Variants in MCTP1 observed in about 807,000 individuals in gnomAD.
The protein encoded by MCTP1 is multiple C2 and transmembrane domain-containing protein 1.
Under a neutral mutation model 120.6 loss-of-function variants are expected in MCTP1, and 69 were observed. The ratio of observed to expected loss-of-function variants is 0.57; its 90% CI spans 0.47 to 0.70. The LOEUF (loss-of-function observed/expected upper bound fraction) is 0.70. Among genes scored for constraint, MCTP1 ranks in the 30% least tolerant of loss-of-function variants. The pLI is 0.00. For missense variants in MCTP1, 1,203 were observed against 1,248.8 expected (o/e 0.96, Z 0.55); for synonymous variants, 529 against 493.1 (o/e 1.07, Z -0.96).
At chr5:94,963,828 T>G (rs1395081179) in intron 2 of MCTP1, among the ~76,000 whole-genome samples, 1 of 152,190 alleles carries the variant, frequency 6.6e-6, no homozygotes, top group Non-Finnish European at 1.5e-5. Flanking sequence ...TGTATTCCCA[T>G]GTACCTATCT....
intron 17 of MCTP1, among the ~76,000 whole-genome samples, chr5:94,827,114 T>C (rs923684951): frequency 1.3e-5 from 2 of 152,192 alleles, no homozygotes; most frequent in African/African-American, 4.8e-5. Flanking sequence ...TTCTGGTTTT[T>C]CCTTTCCATA....
chr5:95,163,398 T>C (rs1745965659), intron 1 of MCTP1, among the ~76,000 whole-genome samples: 1 of 152,226 alleles, frequency 6.6e-6, no homozygotes, highest in East Asian at 1.9e-4. Flanking sequence ...TGGCATTAGC[T>C]TGACATTAAA....
intron 2 of MCTP1, among the ~76,000 whole-genome samples, chr5:94,960,315 CCCTAGAAGAAAA>C (rs1471203289): frequency 1.3e-5 from 2 of 152,128 alleles, no homozygotes; most frequent in African/African-American, 4.8e-5. Context: ...ATTATAAAAA[CCCTAGAAGAAAA>C]CCTAGGCAAT....
intron 2 of MCTP1, among the ~76,000 whole-genome samples, chr5:94,955,830 T>C (rs1822458762): frequency 6.6e-6 from 1 of 152,136 alleles, no homozygotes; most frequent in Non-Finnish European, 1.5e-5. Flanking sequence ...GGGGTAGCTG[T>C]GGGTACAGCA....
At chr5:94,764,547 A>T (rs1270816817) in intron 19 of MCTP1, among the ~76,000 whole-genome samples, 1 of 152,188 alleles carries the variant, frequency 6.6e-6, no homozygotes, top group Admixed American at 6.5e-5. Context: ...AAGATATTCC[A>T]CACAAATAGA....
At chr5:95,033,981 C>G (rs1410610769) in intron 1 of MCTP1, among the ~76,000 whole-genome samples, 1 of 151,466 alleles carries the variant, frequency 6.6e-6, no homozygotes, top group Non-Finnish European at 1.5e-5. Context: ...TAGCCACACA[C>G]AAAAAATCAA....
rs570574768 is a variant in MCTP1 at position 94,909,061 on chromosome 5, A to G, written c.1652+190T>C. Among the ~76,000 whole-genome samples, 9 of 152,216 alleles carry G rather than the reference A, an allele frequency of 5.9e-5. No individual in the cohort carries two copies. In the South Asian group the frequency reaches 1.7e-3, roughly 28 times the overall value. ...CAAATTCAGATAGCCTGTGTCCATC[A>G]ACTGGTCAAAACCGCCACCTACTGG... On this transcript the variant is annotated intron_variant, in intron 10 of 22. Transcript: ENST00000515393.
At chr5:95,077,747 C>T (rs977781382) in intron 1 of MCTP1, among the ~76,000 whole-genome samples, 2 of 152,192 alleles carry the variant, frequency 1.3e-5, no homozygotes, top group Admixed American at 6.5e-5. Flanking sequence ...GCTGGGATTA[C>T]AGGCGTGAGC....
chr5:95,049,373 T>A (rs928078433), intron 1 of MCTP1, among the ~76,000 whole-genome samples: 5 of 152,102 alleles, frequency 3.3e-5, no homozygotes. Context: ...AGAGCAAAGT[T>A]TGTTCAAGCA....
intron 17 of MCTP1, among the ~76,000 whole-genome samples, chr5:94,804,740 T>C (rs1781958065): frequency 6.6e-6 from 1 of 152,208 alleles, no homozygotes; most frequent in South Asian, 2.1e-4. Flanking sequence ...ACCAGGCCTA[T>C]GCTTTTCAAA....
At chr5:94,736,702 G>A (rs1764339549) in intron 19 of MCTP1, among the ~76,000 whole-genome samples, 1 of 152,092 alleles carries the variant, frequency 6.6e-6, no homozygotes, top group Non-Finnish European at 1.5e-5. Flanking sequence ...GAGACTGCAA[G>A]AAACACAGAG....
chr5:94,866,860 C>T (rs1359577043), intron 17 of MCTP1, among the ~76,000 whole-genome samples: 4 of 151,488 alleles, frequency 2.6e-5, no homozygotes, highest in Non-Finnish European at 5.9e-5. Context: ...ACACAATACA[C>T]GTAAATGCTA....
At chr5:94,873,705 A>G (rs1260692011) in intron 12 of MCTP1, among the ~76,000 whole-genome samples, 17 of 151,970 alleles carry the variant, frequency 1.1e-4, no homozygotes, top group Non-Finnish European at 2.2e-4. Context: ...TTTATTCAGG[A>G]AAAACTACTA....
At chr5:95,230,447 G>A (rs1754804491) in intron 1 of MCTP1, among the ~76,000 whole-genome samples, 1 of 151,978 alleles carries the variant, frequency 6.6e-6, no homozygotes, top group Non-Finnish European at 1.5e-5. Context: ...CCACTGCCTT[G>A]TGCTCCATCT....
At chr5:95,022,316 C>T (rs1040444495) in intron 1 of MCTP1, among the ~76,000 whole-genome samples, 4 of 152,152 alleles carry the variant, frequency 2.6e-5, no homozygotes, top group Admixed American at 2.0e-4. Context: ...GATCATTTTT[C>T]CTTAACAGAA....
intron 1 of MCTP1, among the ~76,000 whole-genome samples, chr5:95,268,550 A>G (rs1306771258): frequency 6.6e-6 from 1 of 152,244 alleles, no homozygotes; most frequent in Non-Finnish European, 1.5e-5. Context: ...GCATAGCTTC[A>G]GTAAAAGATT....
intron 17 of MCTP1, chr5:94,867,245 A>G: frequency 3.4e-6 from 5 of 1,467,374 alleles, no homozygotes; most frequent in African/African-American, 1.4e-5. Context: ...AACGATAATG[A>G]CAATTGCTTT....
intron 2 of MCTP1, among the ~76,000 whole-genome samples, chr5:94,985,694 A>T (rs1385689638): frequency 1.3e-5 from 2 of 152,218 alleles, no homozygotes; most frequent in Non-Finnish European, 2.9e-5. Context: ...TAAAATTTTA[A>T]AAGTCTGAAA....
At position 94,707,558 on chromosome 5, in the gene MCTP1, G is replaced by C. The variant is rs749965327; in HGVS notation, c.2938C>G (p.Gln980Glu). Residue 980 changes from glutamine to glutamate, a missense_variant, in exon 23 of 23, where the codon CAA (glutamine) becomes GAA (glutamate). Physicochemically the swap from Gln to Glu is conservative, Grantham distance 29 (BLOSUM62 2). This residue lies in a region of MCTP1 where 740 missense variants were observed against 871.1 expected (regional missense o/e 0.85). Transcript: ENST00000515393. The part of the protein sequence containing the change: ...VPSDVQVVQY[Q>E]ELKPDPSHSP... ...TGAGAAGGATCTGGTTTCAGTTCTT[G>C]GTATTGCACCTGTTTAAACAGAGTT... 4 of 1,611,292 alleles carry C rather than the reference G, an allele frequency of 2.5e-6. No individual in the cohort carries two copies. The East Asian group carries it at 6.7e-5, about 27-fold the overall frequency.
Sources: allele counts gnomAD v4.1 joint callset (sites outside exome capture counted in the v4.1 genomes callset), GRCh38; gene constraint gnomAD v4.1.1; regional missense constraint gnomAD v4.1.1; transcripts MANE v1.5; gene names NCBI Gene and HGNC (gene_info 2026-07-23, HGNC 2026-07-21).